Variants in EPC1 observed in about 807,000 individuals in gnomAD.
The protein encoded by EPC1 is enhancer of polycomb homolog 1.
A neutral mutation model predicts 98.4 loss-of-function variants in EPC1; 12 were observed. That is an observed-to-expected ratio of 0.12 (90% CI 0.08 to 0.20). EPC1 has a LOEUF of 0.20. Among genes scored for constraint, EPC1 ranks in the 10% least tolerant of loss-of-function variants. The probability of loss-of-function intolerance (pLI) is 1.00; values close to 1 mark genes in which losing one functional copy is unlikely to be tolerated. For missense variants in EPC1, 729 were observed against 990.5 expected (o/e 0.74, Z 3.54); for synonymous variants, 357 against 363.9 (o/e 0.98, Z 0.21).
intron 1 of EPC1, among the ~76,000 whole-genome samples, chr10:32,306,993 A>C (rs1399303354): frequency 3.9e-5 from 6 of 152,206 alleles, no homozygotes; most frequent in African/African-American, 1.4e-4. Flanking sequence ...ATGTATATAC[A>C]AATGTGTACA....
At chr10:32,371,752 C>G (rs372637310) in intron 1 of EPC1, among the ~76,000 whole-genome samples, 2 of 151,854 alleles carry the variant, frequency 1.3e-5, no homozygotes, top group Non-Finnish European at 2.9e-5. Flanking sequence ...TACACACACA[C>G]AAAAATTAGC....
chr10:32,296,030 T>A (rs1196232052), intron 2 of EPC1, among the ~76,000 whole-genome samples: 1 of 151,836 alleles, frequency 6.6e-6, no homozygotes, highest in Admixed American at 6.6e-5. Flanking sequence ...TTCAAGCGAT[T>A]CTCCTGCCTC....
intron 4 of EPC1, 113 bp downstream of exon 4, chr10:32,292,875 T>C: frequency 1.2e-6 from 1 of 801,644 alleles, no homozygotes; most frequent in South Asian, 2.7e-5. Flanking sequence ...AGTATTTTTC[T>C]TATAATTGGA....
intron 1 of EPC1, chr10:32,344,995 G>T: frequency 3.2e-6 from 1 of 313,968 alleles, no homozygotes; most frequent in Non-Finnish European, 4.6e-6. Flanking sequence ...CCCCTTCCTT[G>T]GCTGCTGAAC....
At chr10:32,299,349 C>G (rs1448571026) in intron 2 of EPC1, among the ~76,000 whole-genome samples, 1 of 152,030 alleles carries the variant, frequency 6.6e-6, no homozygotes, top group Non-Finnish European at 1.5e-5. Flanking sequence ...CCATGCCAGG[C>G]TAATTTTTGT....
upstream of EPC1, among the ~76,000 whole-genome samples, chr10:32,349,980 C>G (rs932806588): frequency 1.7e-4 from 26 of 152,188 alleles, no homozygotes; most frequent in Admixed American, 1.3e-4. Context: ...GTTTAGTTTT[C>G]CCTAGATTCT....
chr10:32,354,311 G>A (rs904082715), intron 1 of EPC1, among the ~76,000 whole-genome samples: 7 of 152,036 alleles, frequency 4.6e-5, no homozygotes, highest in African/African-American at 9.7e-5. Context: ...AAAATTAGCT[G>A]GGCATGGTGG....
Position 32,324,085 on chromosome 10 carries a change from G to A in EPC1, c.154-18154C>T, listed in dbSNP as rs555745484. On this transcript the variant is annotated intron_variant, in intron 1 of 13. Transcript: ENST00000319778. ...CAAGTGGCTGGGACTACAGGCGCCC[G>A]CCACCACGCCTGGCTAATTTTTTTG... is the stretch of plus-strand genomic sequence containing the variant. Among the ~76,000 whole-genome samples the A allele has an allele frequency of 4.6e-5, 7 of 151,946 alleles. No individual in the cohort carries two copies. The East Asian group carries it at 1.2e-3, about 25-fold the overall frequency.
At chr10:32,345,053 T>A (rs1426452415) in intron 1 of EPC1, 1 of 755,462 alleles carries the variant, frequency 1.3e-6, no homozygotes, top group Non-Finnish European at 1.6e-6. Flanking sequence ...AACACCCCAA[T>A]ACTTGAAAGT....
intron 1 of EPC1, among the ~76,000 whole-genome samples, chr10:32,337,339 C>T (rs1564554628): frequency 6.6e-6 from 1 of 152,206 alleles, no homozygotes; most frequent in African/African-American, 2.4e-5. Flanking sequence ...GCTTCCCAAA[C>T]TGTTCTTTCT....
At chr10:32,339,370 C>G (rs1192908606) in intron 1 of EPC1, among the ~76,000 whole-genome samples, 1 of 152,014 alleles carries the variant, frequency 6.6e-6, no homozygotes, top group Admixed American at 6.6e-5. Flanking sequence ...GAGTTTGATG[C>G]TTTTTCCTAT....
At chr10:32,288,033 G>A (rs1836784808) in intron 6 of EPC1, among the ~76,000 whole-genome samples, 1 of 152,156 alleles carries the variant, frequency 6.6e-6, no homozygotes, top group South Asian at 2.1e-4. Context: ...GGCAAAAATT[G>A]TATTTGTTGG....
At chr10:32,348,996 C>T (rs575045683), upstream of EPC1, among the ~76,000 whole-genome samples, 6 of 152,218 alleles carry the variant, frequency 3.9e-5, no homozygotes, top group Non-Finnish European at 7.3e-5. Context: ...TATCTTAAGA[C>T]AACGGTAGCG....
In EPC1 at chr10:32,327,022, A is replaced by G. The variant is rs548315108; in HGVS notation, c.153+19741T>C. ...CAAAAAAAAAAAAAAAAAAAAATCA[A>G]TGTAAATTACCATCAATAGATGAAT... On this transcript the variant is annotated intron_variant, in intron 1 of 13. Coordinates refer to ENST00000319778, the MANE Select transcript of EPC1 (RefSeq NM_001272004.3). Among the ~76,000 whole-genome samples, 306 of 147,492 alleles carry G rather than the reference A, an allele frequency of 2.1e-3. 1 individual carries two copies. Among genetic ancestry groups the G allele is most frequent in the African/African-American group, 7.2e-3 (286 of 39,866 alleles).
chr10:32,336,108 G>C (rs1334682084), intron 1 of EPC1, among the ~76,000 whole-genome samples: 2 of 120,704 alleles, frequency 1.7e-5, no homozygotes, highest in Non-Finnish European at 1.6e-5. Flanking sequence ...TGCTCTTATT[G>C]TCCAGGCTGG....
chr10:32,314,018 T>C (rs1836409921), intron 1 of EPC1, among the ~76,000 whole-genome samples: 1 of 152,218 alleles, frequency 6.6e-6, no homozygotes, highest in Non-Finnish European at 1.5e-5. Flanking sequence ...TTACGATAAT[T>C]AGGTTCAGCT....
intron 1 of EPC1, among the ~76,000 whole-genome samples, chr10:32,370,176 T>C (rs997343859): frequency 2.6e-5 from 4 of 152,208 alleles, no homozygotes; most frequent in Non-Finnish European, 5.9e-5. Context: ...GTTACAGGGC[T>C]GGTTTTCTTC....
rs142750748 is a variant in EPC1, at chr10:32,355,078, T to C, written c.3+23413A>G. 2.2e-3 allele frequency among the ~76,000 whole-genome samples: 338 copies of C among 152,286 alleles called. 3 individuals are homozygous for C. The highest frequency in any genetic ancestry group is 7.7e-3 in the African/African-American group (321 of 41,562). On this transcript the variant is annotated intron_variant, in intron 1 of 13. Coordinates refer to the EPC1 transcript ENST00000375110. The stretch of plus-strand genomic sequence containing the variant: ...ATGTAATGCACTTGAATCATCCTCA[T>C]AGGGGGAGCACTCCCTCCCCTGGAT...
chr10:32,293,060 C>T lies in EPC1; in HGVS notation c.594G>A (p.Lys198=), dbSNP rs1834940238. 1 of 1,613,278 alleles carries T rather than the reference C, an allele frequency of 6.2e-7. No homozygotes were observed. The highest frequency in any genetic ancestry group is 1.7e-5 in the Admixed American group (1 of 59,958). The change falls in exon 4 of 14, where the codon AAG becomes AAA. Residue 198 remains lysine, a synonymous_variant. Transcript: ENST00000319778. Reference sequence around the variant, plus strand: ...GATCATTTGTGCTGGAACCATCTCGCTTCTCTTGTTTTACTGATGGAATAA... The same window carrying T: ...GATCATTTGTGCTGGAACCATCTCGTTTCTCTTGTTTTACTGATGGAATAA... ...PSLIPSVKQE[K]RDGSSTNDPY...
Sources: allele counts gnomAD v4.1 joint callset (sites outside exome capture counted in the v4.1 genomes callset), GRCh38; gene constraint gnomAD v4.1.1; transcripts MANE v1.5; gene names NCBI Gene and HGNC (gene_info 2026-07-23, HGNC 2026-07-21).